TRIO: variants seen among roughly 807,000 people sequenced by gnomAD.
TRIO encodes trio Rho guanine nucleotide exchange factor, also known as triple functional domain protein.
Under a neutral mutation model 351.9 loss-of-function variants are expected in TRIO, and 58 were observed. The ratio of observed to expected loss-of-function variants is 0.16; its 90% CI spans 0.13 to 0.21. TRIO has a LOEUF of 0.21. Among genes scored for constraint, TRIO ranks in the 10% least tolerant of loss-of-function variants. The pLI is 1.00. For missense variants in TRIO, 3,201 were observed against 4,027.8 expected (o/e 0.79, Z 5.56); for synonymous variants, 1,758 against 1,595.7 (o/e 1.10, Z -2.42).
At position 14,481,172 on chromosome 5, in the gene TRIO, A is replaced by G. The variant is rs933603348; in HGVS notation, c.6337-62A>G. On this transcript the variant is annotated intron_variant, in intron 43 of 56. Transcript: ENST00000344204. ...GAGACCCTGTCTCTTAAAAAAAAAAATAAAAGGTCAGCTGCTGTTGTCTTT... is the reference window on the plus strand; with the variant it reads ...GAGACCCTGTCTCTTAAAAAAAAAAGTAAAAGGTCAGCTGCTGTTGTCTTT... 74 of 1,537,488 alleles carry G rather than the reference A, an allele frequency of 4.8e-5. No homozygotes were observed. In the Admixed American group the frequency reaches 1.4e-3, roughly 30 times the overall value.
At chr5:14,401,156 T>G in intron 31 of TRIO, 92 bp downstream of exon 31, 11 of 1,050,042 alleles carry the variant, frequency 1.0e-5, no homozygotes, top group East Asian at 2.6e-5. Flanking sequence ...TTATTATTAT[T>G]TGTTGTTGTT....
chr5:14,508,055 G>T lies in TRIO; in HGVS notation c.8927G>T (p.Trp2976Leu). ...CCTGTCTCCCTGACCTCGGATACGT[G>T]GAGTGTTGGAGTGCTCACATACGTA... ...GNPVSLTSDT[W>L]SVGVLTYVLL... The change falls in exon 57 of 57, where the codon TGG (tryptophan) becomes TTG (leucine). Residue 2976 changes from tryptophan (W) to leucine (L), a missense_variant. Physicochemically the swap from Trp to Leu is moderately conservative, Grantham distance 61. Around this residue, in one of 19 missense-constraint regions of TRIO, gnomAD observed 233 missense variants for 292.6 expected, o/e 0.80. Transcript: ENST00000344204. The T allele has an allele frequency of 6.2e-7, 1 of 1,614,218 alleles. No homozygotes were observed. Among genetic ancestry groups the T allele is most frequent in the Non-Finnish European group, 8.5e-7 (1 of 1,180,036 alleles).
chr5:14,200,644 C>T (rs1791050739), intron 1 of TRIO, among the ~76,000 whole-genome samples: 1 of 152,164 alleles, frequency 6.6e-6, no homozygotes. Flanking sequence ...ATTAAAGGAC[C>T]TAACAACTGT....
At chr5:14,207,621 T>C (rs920121340) in intron 1 of TRIO, among the ~76,000 whole-genome samples, 3 of 151,106 alleles carry the variant, frequency 2.0e-5, no homozygotes, top group Non-Finnish European at 4.4e-5. Context: ...GTGGGAGGAT[T>C]GCTTCAGCCC....
At chr5:14,169,721 C>T (rs1788988205) in intron 1 of TRIO, among the ~76,000 whole-genome samples, 1 of 151,902 alleles carries the variant, frequency 6.6e-6, no homozygotes, top group Admixed American at 6.6e-5. Context: ...ACTGTGAGTT[C>T]TTAAAAAAAA....
intron 1 of TRIO, among the ~76,000 whole-genome samples, chr5:14,175,990 TA>T (rs1463948106): frequency 2.0e-5 from 3 of 152,226 alleles, no homozygotes; most frequent in Non-Finnish European, 4.4e-5. Flanking sequence ...AATTCTTATT[TA>T]AAAATACATT....
At chr5:14,185,011 C>T (rs1019133869) in intron 1 of TRIO, among the ~76,000 whole-genome samples, 2 of 152,150 alleles carry the variant, frequency 1.3e-5, no homozygotes, top group Admixed American at 6.5e-5. Context: ...CCATCTCAGT[C>T]GTCCATGACT....
chr5:14,220,399 A>G (rs975996486), intron 1 of TRIO, among the ~76,000 whole-genome samples: 1 of 152,202 alleles, frequency 6.6e-6, no homozygotes, highest in Non-Finnish European at 1.5e-5. Flanking sequence ...CGATATTGAA[A>G]TTAGGCCAGT....
intron 56 of TRIO, 137 bp downstream of exon 56, chr5:14,507,397 C>A: frequency 8.1e-7 from 1 of 1,235,856 alleles, no homozygotes; most frequent in Non-Finnish European, 1.1e-6. Context: ...GCAGCGCAGA[C>A]ACTGATTGCT....
intron 34 of TRIO, among the ~76,000 whole-genome samples, chr5:14,448,554 G>T (rs894991648): frequency 1.3e-5 from 2 of 152,240 alleles, no homozygotes; most frequent in East Asian, 1.9e-4. Context: ...CTCGATGCGG[G>T]CAGTGGGGCC....
intron 1 of TRIO, among the ~76,000 whole-genome samples, chr5:14,218,193 G>A (rs1388212461): frequency 3.3e-5 from 5 of 152,186 alleles, no homozygotes; most frequent in Non-Finnish European, 2.9e-5. Context: ...TCAGTAAGCA[G>A]TTAAGTGGCA....
At position 14,508,303 on chromosome 5, in the gene TRIO, G is replaced by A. The variant is rs1654436134; in HGVS notation, c.9175G>A (p.Gly3059Ser). The change falls in exon 57 of 57, where the codon GGC becomes AGC. Residue 3059 changes from glycine to serine, a missense_variant. Coordinates refer to ENST00000344204, the MANE Select transcript of TRIO (RefSeq NM_007118.4). ...GCAGGCCGGCAACGGCAGAAGCACG[G>A]GCGTCCTCGACACGTCCAGACTGAC... ...WLQAGNGRSTGVLDTSRLTSF... is the reference protein window; with the variant it reads ...WLQAGNGRSTSVLDTSRLTSF... The A allele has an allele frequency of 6.2e-7, 1 of 1,613,824 alleles. No individual in the cohort carries two copies. Among genetic ancestry groups the A allele is most frequent in the African/African-American group, 1.3e-5 (1 of 74,944 alleles).
In TRIO at chr5:14,438,793, C is replaced by T. The variant is rs116454748; in HGVS notation, c.5203+18772C>T. On this transcript the variant is annotated intron_variant, in intron 34 of 56. Transcript: ENST00000344204. ...CTCACCTCCGCATTTCCGCTGGTTC[C>T]GCGTTTCTGTCTAGTGGCTCAGGTT... is the stretch of plus-strand genomic sequence containing the variant. Among the ~76,000 whole-genome samples the T allele has an allele frequency of 5.3e-3, 807 of 152,342 alleles. 8 individuals are homozygous for T. Among genetic ancestry groups the T allele is most frequent in the African/African-American group, 0.017 (721 of 41,576 alleles).
intron 9 of TRIO, among the ~76,000 whole-genome samples, chr5:14,323,508 C>G (rs2152311006): frequency 1.1e-5 from 1 of 91,336 alleles, no homozygotes; most frequent in Non-Finnish European, 2.1e-5. Flanking sequence ...AGGAAAACAG[C>G]CACTTAAGAA....
chr5:14,488,805 CT>C (rs1440670519), intron 48 of TRIO: 1 of 627,744 alleles, frequency 1.6e-6, no homozygotes, highest in African/African-American at 1.8e-5. Flanking sequence ...AATCTGTCCA[CT>C]GGGAACGCTT....
rs1741449874 is a variant in TRIO at position 14,336,716 on chromosome 5, C to T, written c.2035C>T (p.His679Tyr). The change falls in exon 11 of 57, where the codon CAT becomes TAT. Residue 679 changes from histidine (H) to tyrosine (Y), a missense_variant. By Grantham distance (83) the His-to-Tyr change is moderately conservative. Coordinates refer to ENST00000344204, the MANE Select transcript of TRIO (RefSeq NM_007118.4). ...LLDMSVSFHTHVKELWTWLEE... is the reference protein window; with the variant it reads ...LLDMSVSFHTYVKELWTWLEE... Reference sequence around the variant, plus strand: ...GGACATGTCAGTGTCCTTTCACACCCATGTGAAAGAGGTAAGGTGCCAGGA... The same window carrying T: ...GGACATGTCAGTGTCCTTTCACACCTATGTGAAAGAGGTAAGGTGCCAGGA... 6.2e-7 allele frequency: 1 copy of T among 1,614,028 alleles called. No homozygotes were observed. The highest frequency in any genetic ancestry group is 1.7e-5 in the Admixed American group (1 of 60,010).
intron 37 of TRIO, among the ~76,000 whole-genome samples, chr5:14,469,760 G>T (rs570153257): frequency 2.0e-5 from 3 of 152,356 alleles, no homozygotes; most frequent in Admixed American, 2.0e-4. Context: ...ACAGGCAGCC[G>T]AGGGGCCTGG....
chr5:14,453,821 G>T (rs573483419), intron 34 of TRIO, among the ~76,000 whole-genome samples: 2 of 152,304 alleles, frequency 1.3e-5, no homozygotes, highest in East Asian at 3.9e-4. Context: ...TGATGAGAAA[G>T]TTAGCGATGG....
chr5:14,409,550 C>G (rs113557001), intron 33 of TRIO, among the ~76,000 whole-genome samples: 2,637 of 152,114 alleles, frequency 0.017, 25 homozygotes, highest in Non-Finnish European at 0.027. Flanking sequence ...CCTGAAGGGT[C>G]GGCTGAGCAC....
Sources: gnomAD v4.1 joint callset for allele counts (sites outside exome capture counted in the v4.1 genomes callset) on GRCh38, gnomAD v4.1.1 for gene constraint, gnomAD v4.1.1 regional missense constraint, MANE v1.5 for transcripts, NCBI Gene and HGNC (gene_info 2026-07-23, HGNC 2026-07-21) for gene names.